The following MTMR7 variants were observed in gnomAD, a reference collection of about 807,000 sequenced individuals.
The protein encoded by MTMR7 is phosphatidylinositol-3-phosphate phosphatase MTMR7.
In MTMR7, 76 loss-of-function variants were observed where a neutral mutation model predicts 81.2. That is an observed-to-expected ratio of 0.94 (90% CI 0.78 to 1.13). The LOEUF (loss-of-function observed/expected upper bound fraction) is 1.13. MTMR7 is among the 50% of genes most tolerant of loss of function. The pLI is 0.00. For missense variants in MTMR7, 1,044 were observed against 820.0 expected (o/e 1.27, Z -3.34); for synonymous variants, 372 against 289.8 (o/e 1.28, Z -2.88).
chr8:17,402,579 A>C (rs1821458577), intron 1 of MTMR7, among the ~76,000 whole-genome samples: 1 of 152,246 alleles, frequency 6.6e-6, no homozygotes, highest in Admixed American at 6.5e-5. Context: ...ATGTTGCTGC[A>C]AATGACGGGA....
At chr8:17,405,537 G>A (rs1821553051) in intron 1 of MTMR7, among the ~76,000 whole-genome samples, 1 of 152,108 alleles carries the variant, frequency 6.6e-6, no homozygotes, top group Non-Finnish European at 1.5e-5. Context: ...CCTTTGTGAG[G>A]ATGACATTAT....
intron 1 of MTMR7, among the ~76,000 whole-genome samples, chr8:17,393,698 G>C (rs1185878602): frequency 6.6e-6 from 1 of 152,124 alleles, no homozygotes; most frequent in Non-Finnish European, 1.5e-5. Flanking sequence ...GGGCCTGTCA[G>C]AGGGGTTGCG....
chr8:17,305,211 T>C (rs530703220), intron 11 of MTMR7, among the ~76,000 whole-genome samples: 1 of 152,330 alleles, frequency 6.6e-6, no homozygotes, highest in African/African-American at 2.4e-5. Flanking sequence ...GTATACACCA[T>C]AGTTAAAACC....
chr8:17,381,465 C>T (rs1396678857), intron 1 of MTMR7, among the ~76,000 whole-genome samples: 1 of 152,048 alleles, frequency 6.6e-6, no homozygotes, highest in Non-Finnish European at 1.5e-5. Context: ...TTCTATCCTG[C>T]AGGTCAAATA....
At chr8:17,406,302 A>C (rs1017757498) in intron 1 of MTMR7, among the ~76,000 whole-genome samples, 3 of 152,300 alleles carry the variant, frequency 2.0e-5, no homozygotes, top group African/African-American at 7.2e-5. Flanking sequence ...CAATAATTTA[A>C]TAAAAATAAC....
chr8:17,402,866 G>A (rs577692478), intron 1 of MTMR7, among the ~76,000 whole-genome samples: 2 of 152,164 alleles, frequency 1.3e-5, no homozygotes, highest in South Asian at 4.1e-4. Flanking sequence ...CCCACCAACA[G>A]TGCATGAGAG....
chr8:17,370,087 A>G (rs1251003877), intron 3 of MTMR7, among the ~76,000 whole-genome samples: 1 of 152,138 alleles, frequency 6.6e-6, no homozygotes, highest in Non-Finnish European at 1.5e-5. Context: ...CAATGGCAAG[A>G]ACATATTTTT....
intron 7 of MTMR7, among the ~76,000 whole-genome samples, chr8:17,321,583 A>T: frequency 6.6e-6 from 1 of 152,248 alleles, no homozygotes; most frequent in East Asian, 1.9e-4. Context: ...GACCAAAGCG[A>T]TTAGCGCCTG....
At chr8:17,366,192 T>C (rs1397137553) in intron 3 of MTMR7, among the ~76,000 whole-genome samples, 1 of 152,010 alleles carries the variant, frequency 6.6e-6, no homozygotes, top group Non-Finnish European at 1.5e-5. Context: ...TTCTCTCCCA[T>C]ATAAAGGAAA....
At chr8:17,372,449 G>A (rs1039436597) in intron 2 of MTMR7, among the ~76,000 whole-genome samples, 8 of 152,052 alleles carry the variant, frequency 5.3e-5, no homozygotes, top group East Asian at 3.9e-4. Context: ...TCAGCCAGGC[G>A]TGGTGGCGCG....
chr8:17,378,838 C>T (rs1421629199), intron 1 of MTMR7, among the ~76,000 whole-genome samples: 1 of 152,124 alleles, frequency 6.6e-6, no homozygotes, highest in Admixed American at 6.5e-5. Context: ...AATCTTGCTG[C>T]CTCTTAGCAT....
intron 8 of MTMR7, 115 bp downstream of exon 8, chr8:17,313,177 A>G (rs1299656160): frequency 1.5e-6 from 1 of 651,258 alleles, no homozygotes. Flanking sequence ...AAAGCTGGCT[A>G]TCCAGTCAGT....
At chr8:17,302,077 C>T (rs1381879510) in intron 13 of MTMR7, 77 bp downstream of exon 13, 1 of 1,581,176 alleles carries the variant, frequency 6.3e-7, no homozygotes, top group Admixed American at 1.7e-5. Context: ...TGCACTGAAT[C>T]TTAAGAGGCT....
intron 1 of MTMR7, among the ~76,000 whole-genome samples, chr8:17,403,490 T>C (rs1563382258): frequency 6.6e-6 from 1 of 152,214 alleles, no homozygotes; most frequent in African/African-American, 2.4e-5. Flanking sequence ...CTCTGTAGTA[T>C]AATTTGAAGT....
intron 1 of MTMR7, among the ~76,000 whole-genome samples, chr8:17,385,106 T>C (rs1317762977): frequency 2.6e-5 from 4 of 152,226 alleles, no homozygotes; most frequent in Admixed American, 1.3e-4. Context: ...AACTGCATTC[T>C]GCTGTGAAAC....
At chr8:17,374,996 G>C (rs368260174) in intron 1 of MTMR7, among the ~76,000 whole-genome samples, 8 of 152,278 alleles carry the variant, frequency 5.3e-5, no homozygotes, top group African/African-American at 1.9e-4. Context: ...GGCTGCGGCA[G>C]GATAACTGCT....
Position 17,322,950 on chromosome 8 carries a change from C to CTTTTTTT in MTMR7, c.865+8193_865+8199dup, listed in dbSNP as rs58584179. Among the ~76,000 whole-genome samples the CTTTTTTT allele has an allele frequency of 4.4e-3, 555 of 125,710 alleles. 25 individuals carry two copies. Among genetic ancestry groups the CTTTTTTT allele is most frequent in the African/African-American group, 0.013 (415 of 31,838 alleles). The allele number at this position is 125,710 out of a possible 152,430, so 82.5% of individuals were successfully genotyped here. On this transcript the variant is annotated intron_variant, in intron 7 of 13. Transcript: ENST00000180173. The stretch of plus-strand genomic sequence containing the variant: ...TCCCATCTAGAGTGGATTGAATTAT[C>CTTTTTTT]TTTTTTTTTTTTTTTTTGAGACAGT...
At chr8:17,331,432 T>G in intron 6 of MTMR7, 150 bp from the exon 7 acceptor site, 2 of 767,370 alleles carry the variant, frequency 2.6e-6, no homozygotes, top group Admixed American at 7.1e-5. Context: ...AACCTTGTAC[T>G]GAACTACATA....
At chr8:17,407,598 TA>T (rs11415153) in intron 1 of MTMR7, among the ~76,000 whole-genome samples, 19,835 of 148,194 alleles carry the variant, frequency 0.13, 1,398 homozygotes, top group Middle Eastern at 0.16. Flanking sequence ...TCCATAGGAT[TA>T]AAAAAAAAAG....
Sources: gnomAD v4.1 joint callset for allele counts (sites outside exome capture counted in the v4.1 genomes callset) on GRCh38, gnomAD v4.1.1 for gene constraint, MANE v1.5 for transcripts, NCBI Gene and HGNC (gene_info 2026-07-23, HGNC 2026-07-21) for gene names.